Variants in BBS9 observed in about 807,000 individuals in gnomAD.
The protein encoded by BBS9 is protein PTHB1.
A neutral mutation model predicts 117.7 loss-of-function variants in BBS9; 89 were observed. That is an observed-to-expected ratio of 0.76 (90% CI 0.64 to 0.90). BBS9 has a LOEUF of 0.90. Among genes scored for constraint, BBS9 ranks in the 40% least tolerant of loss-of-function variants. BBS9 has a pLI of 0.00. For missense variants in BBS9, 982 were observed against 1,042.2 expected (o/e 0.94, Z 0.80); for synonymous variants, 379 against 370.9 (o/e 1.02, Z -0.25).
intron 21 of BBS9, among the ~76,000 whole-genome samples, chr7:33,589,223 TTG>T (rs1478249246): frequency 6.6e-6 from 1 of 152,060 alleles, no homozygotes; most frequent in East Asian, 1.9e-4. Context: ...TGAAAAAATG[TTG>T]TGTTTTCCTA....
At chr7:33,318,525 T>A (rs1811011879) in intron 9 of BBS9, among the ~76,000 whole-genome samples, 1 of 152,182 alleles carries the variant, frequency 6.6e-6, no homozygotes, top group African/African-American at 2.4e-5. Context: ...TCTCTATTTA[T>A]GTATCTATAT....
intron 19 of BBS9, among the ~76,000 whole-genome samples, chr7:33,468,005 G>A (rs1376554404): frequency 1.3e-5 from 2 of 152,106 alleles, no homozygotes; most frequent in African/African-American, 4.8e-5. Context: ...GCTGATAATT[G>A]ATCCAGCCTG....
At chr7:33,433,439 A>G (rs1223560375) in intron 19 of BBS9, among the ~76,000 whole-genome samples, 1 of 152,182 alleles carries the variant, frequency 6.6e-6, no homozygotes, top group Middle Eastern at 3.2e-3. Context: ...TCCAGCAGAG[A>G]TATCAGATAG....
intron 10 of BBS9, 60 bp downstream of exon 10, chr7:33,336,682 TAG>T: frequency 3.5e-6 from 4 of 1,143,224 alleles, no homozygotes; most frequent in Non-Finnish European, 5.1e-6. Flanking sequence ...TATTATCTTG[TAG>T]ATAGATATTA....
At chr7:33,579,491 C>G (rs1859509647) in intron 21 of BBS9, among the ~76,000 whole-genome samples, 1 of 152,140 alleles carries the variant, frequency 6.6e-6, no homozygotes, top group Non-Finnish European at 1.5e-5. Flanking sequence ...CGGCGTGTAT[C>G]ACAGCCCTGT....
intron 20 of BBS9, among the ~76,000 whole-genome samples, chr7:33,528,240 T>C (rs2129052523): frequency 6.6e-6 from 1 of 152,328 alleles, no homozygotes; most frequent in East Asian, 1.9e-4. Flanking sequence ...CAATGCAACA[T>C]GGGCCATTTC....
chr7:33,189,486 T>C (rs1460983562), intron 5 of BBS9, among the ~76,000 whole-genome samples: 1 of 152,016 alleles, frequency 6.6e-6, no homozygotes, highest in Non-Finnish European at 1.5e-5. Flanking sequence ...CTTCATGAGA[T>C]TAAAAGTCAG....
intron 6 of BBS9, among the ~76,000 whole-genome samples, chr7:33,260,136 A>T (rs755853344): frequency 2.6e-5 from 4 of 151,810 alleles, no homozygotes; most frequent in Non-Finnish European, 4.4e-5. Flanking sequence ...AGTAGCTGGG[A>T]CTACAGGCGC....
chr7:33,435,527 C>CTCTATTGAAAGGAACTAAA (rs11268198), intron 19 of BBS9, among the ~76,000 whole-genome samples: 95,563 of 151,860 alleles, frequency 0.63, 30,696 homozygotes, highest in African/African-American at 0.76. Flanking sequence ...AGACCAAGGA[C>CTCTATTGAAAGGAACTAAA]TCTATTAAGT....
At chr7:33,371,156 G>A (rs186171749) in intron 17 of BBS9, among the ~76,000 whole-genome samples, 3 of 152,118 alleles carry the variant, frequency 2.0e-5, no homozygotes, top group Admixed American at 1.3e-4. Flanking sequence ...ATGAAATTTC[G>A]CTTATGAATA....
chr7:33,409,440 A>C (rs1193906372), intron 19 of BBS9, among the ~76,000 whole-genome samples: 1 of 151,980 alleles, frequency 6.6e-6, no homozygotes, highest in East Asian at 1.9e-4. Context: ...TATTTTTGTT[A>C]ATGTGTTAAA....
At chr7:33,627,364 C>G (rs923825102) in intron 21 of BBS9, among the ~76,000 whole-genome samples, 9 of 152,250 alleles carry the variant, frequency 5.9e-5, no homozygotes, top group African/African-American at 2.2e-4. Context: ...AGGCAGAAGT[C>G]TGCTGCAGGG....
chr7:33,167,213 T>A (rs947289742), intron 4 of BBS9, among the ~76,000 whole-genome samples: 3 of 152,200 alleles, frequency 2.0e-5, no homozygotes, highest in African/African-American at 7.2e-5. Context: ...ACAGCACTGA[T>A]AACTGAAAGT....
At chr7:33,408,979 A>G (rs1021262393) in intron 19 of BBS9, among the ~76,000 whole-genome samples, 2 of 152,100 alleles carry the variant, frequency 1.3e-5, no homozygotes, top group African/African-American at 4.8e-5. Flanking sequence ...ACATTTATTC[A>G]TATGTTTGTT....
At chr7:33,278,454 A>G (rs1205900798) in intron 9 of BBS9, among the ~76,000 whole-genome samples, 3 of 152,230 alleles carry the variant, frequency 2.0e-5, no homozygotes, top group African/African-American at 4.8e-5. Context: ...GTAGATTGTT[A>G]GAAATACAGA....
chr7:33,287,125 G>A (rs928480633), intron 9 of BBS9, among the ~76,000 whole-genome samples: 1 of 152,146 alleles, frequency 6.6e-6, no homozygotes, highest in Non-Finnish European at 1.5e-5. Context: ...TAAAAAAAGA[G>A]TGTAAATATA....
intron 21 of BBS9, among the ~76,000 whole-genome samples, chr7:33,543,445 A>G (rs923875263): frequency 2.6e-5 from 4 of 152,100 alleles, no homozygotes; most frequent in Admixed American, 2.6e-4. Context: ...TTGCCATGCA[A>G]AAGCTCTTCA....
At chr7:33,408,143 G>A (rs559481430) in intron 19 of BBS9, among the ~76,000 whole-genome samples, 22 of 152,210 alleles carry the variant, frequency 1.4e-4, no homozygotes, top group African/African-American at 4.3e-4. Context: ...GGGCAATGGC[G>A]GGCGCCCCTC....
chr7:33,450,574 G>T (rs1563193450), intron 19 of BBS9, among the ~76,000 whole-genome samples: 2 of 152,156 alleles, frequency 1.3e-5, no homozygotes, highest in African/African-American at 4.8e-5. Flanking sequence ...CCTAATGGGG[G>T]TGAGGTGATA....
Sources: allele counts gnomAD v4.1 joint callset (sites outside exome capture counted in the v4.1 genomes callset), GRCh38; gene constraint gnomAD v4.1.1; transcripts MANE v1.5; gene names NCBI Gene and HGNC (gene_info 2026-07-23, HGNC 2026-07-21).